The following CDH13 variants were observed in gnomAD, a reference collection of about 807,000 sequenced individuals.
CDH13 encodes cadherin-13.
In CDH13, 24 loss-of-function variants were observed where a neutral mutation model predicts 63.8. The ratio of observed to expected loss-of-function variants is 0.38; its 90% CI spans 0.27 to 0.53. CDH13 has a LOEUF of 0.53. Among genes scored for constraint, CDH13 ranks in the 20% least tolerant of loss-of-function variants. The pLI, the probability that CDH13 is intolerant of heterozygous loss-of-function variation, is 0.85. For synonymous variants in CDH13, 503 were observed against 355.3 expected (o/e 1.42, Z -4.67); for missense variants, 1,049 against 903.1 (o/e 1.16, Z -2.07).
chr16:82,815,277 A>G (rs976945902), intron 1 of CDH13, among the ~76,000 whole-genome samples: 1 of 152,130 alleles, frequency 6.6e-6, no homozygotes, highest in Non-Finnish European at 1.5e-5. Flanking sequence ...CATCCACATC[A>G]CAGCTCCACC....
intron 1 of CDH13, among the ~76,000 whole-genome samples, chr16:82,788,771 A>G (rs2036147917): frequency 6.6e-6 from 1 of 152,200 alleles, no homozygotes; most frequent in Admixed American, 6.5e-5. Flanking sequence ...AAAGAGCCGG[A>G]CAGATCCTGG....
chr16:82,783,005 C>G (rs1400595061), intron 1 of CDH13, among the ~76,000 whole-genome samples: 1 of 152,194 alleles, frequency 6.6e-6, no homozygotes. Context: ...CATTGCCAAA[C>G]AATGCCTGGG....
chr16:82,718,715 A>G (rs2032558913), intron 1 of CDH13, among the ~76,000 whole-genome samples: 1 of 151,838 alleles, frequency 6.6e-6, no homozygotes, highest in South Asian at 2.1e-4. Context: ...GTGCAGGGAA[A>G]CTCCCCTTTA....
chr16:82,851,439 AAAAAAT>A (rs148507469), intron 1 of CDH13, among the ~76,000 whole-genome samples: 14,507 of 110,922 alleles, frequency 0.13, 2,396 homozygotes, highest in East Asian at 0.77. Context: ...CGTCTCAAAA[AAAAAAT>A]AAAAAGAAAA....
At position 83,780,330 on chromosome 16, in the gene CDH13, A is replaced by G. The variant is rs1297265317; in HGVS notation, c.1915+129A>G. 13 of 628,002 alleles carry G rather than the reference A, an allele frequency of 2.1e-5. No homozygotes were observed. The South Asian group carries it at 2.6e-4, about 12-fold the overall frequency. 38.9% of individuals were successfully genotyped at this position (628,002 alleles called of 1,614,324 possible). A position where few individuals can be genotyped will look rare whatever the true frequency, so the allele number is the denominator to read the frequency against. ...GTTCATTTTAAGTTATTGGCATATT[A>G]TAAATACTGAGAATTTTCCCACCAA... On this transcript the variant is annotated intron_variant, in intron 12 of 13. Transcript: ENST00000567109.
At chr16:83,685,895 C>T (rs753351761) in intron 10 of CDH13, among the ~76,000 whole-genome samples, 5 of 152,178 alleles carry the variant, frequency 3.3e-5, no homozygotes, top group African/African-American at 7.2e-5. Flanking sequence ...ATTTTCACAA[C>T]GCCCTGCAGA....
At chr16:83,669,277 A>G (rs1007505290) in intron 8 of CDH13, among the ~76,000 whole-genome samples, 2 of 152,106 alleles carry the variant, frequency 1.3e-5, no homozygotes, top group African/African-American at 4.8e-5. Flanking sequence ...ATAGATTTTC[A>G]TGCGCTTTAA....
rs150285557 is a variant in CDH13, at chr16:83,491,869, T to C, written c.960+5214T>C. Among the ~76,000 whole-genome samples, 467 of 152,286 alleles carry C rather than the reference T, an allele frequency of 3.1e-3. 3 individuals carry two copies. Among genetic ancestry groups the C allele is most frequent in the African/African-American group, 9.5e-3 (393 of 41,558 alleles). ...TTCTGAAACTTTATAATGCCCAAAT[T>C]TTTAGGCCAGATGTAAAAATGGAGA... On this transcript the variant is annotated intron_variant, in intron 7 of 13. Coordinates refer to ENST00000567109, the MANE Select transcript of CDH13 (RefSeq NM_001257.5).
At chr16:82,780,398 G>A (rs7189966) in intron 1 of CDH13, among the ~76,000 whole-genome samples, 112,494 of 152,046 alleles carry the variant, frequency 0.74, 43,127 homozygotes, top group East Asian at 1. Context: ...ACCAGAGGAT[G>A]TAAATATTCA....
chr16:83,702,088 T>A (rs1324987356), intron 10 of CDH13, among the ~76,000 whole-genome samples: 1 of 152,202 alleles, frequency 6.6e-6, no homozygotes, highest in African/African-American at 2.4e-5. Context: ...ATTATTGTAA[T>A]CTGTCAAGAA....
At chr16:83,454,150 T>C (rs571217675) in intron 6 of CDH13, among the ~76,000 whole-genome samples, 1 of 152,348 alleles carries the variant, frequency 6.6e-6, no homozygotes, top group East Asian at 1.9e-4. Flanking sequence ...ACTGCAAGTA[T>C]GCAAAACAGG....
chr16:83,440,446 G>C (rs901782324), intron 6 of CDH13, among the ~76,000 whole-genome samples: 1 of 152,076 alleles, frequency 6.6e-6, no homozygotes, highest in Non-Finnish European at 1.5e-5. Context: ...AATCAGTCGT[G>C]GGGAGGAGGG....
intron 1 of CDH13, among the ~76,000 whole-genome samples, chr16:82,800,993 A>G (rs1255215440): frequency 6.6e-6 from 1 of 152,252 alleles, no homozygotes; most frequent in African/African-American, 2.4e-5. Context: ...TTGAAACTCA[A>G]AAGCAGCATT....
At chr16:83,196,581 C>G (rs1463633797) in intron 4 of CDH13, among the ~76,000 whole-genome samples, 1 of 152,072 alleles carries the variant, frequency 6.6e-6, no homozygotes, top group African/African-American at 2.4e-5. Flanking sequence ...ACTCTCTAAA[C>G]TCAACAGCAG....
At chr16:83,719,470 G>C (rs767528077) in intron 10 of CDH13, among the ~76,000 whole-genome samples, 1 of 152,036 alleles carries the variant, frequency 6.6e-6, no homozygotes, top group Non-Finnish European at 1.5e-5. Context: ...CACAGGATCC[G>C]TAGCCTGAAT....
chr16:82,877,462 G>A (rs2040543355), intron 2 of CDH13, among the ~76,000 whole-genome samples: 1 of 152,206 alleles, frequency 6.6e-6, no homozygotes, highest in African/African-American at 2.4e-5. Context: ...ACTACGCCAT[G>A]TTGATTTAGG....
intron 2 of CDH13, among the ~76,000 whole-genome samples, chr16:83,015,824 A>C (rs1346599020): frequency 6.7e-6 from 1 of 150,362 alleles, no homozygotes; most frequent in African/African-American, 2.4e-5. Context: ...TAATCACAGT[A>C]ATGTACTTGA....
chr16:82,750,156 G>A (rs1337408140), intron 1 of CDH13, among the ~76,000 whole-genome samples: 6 of 152,162 alleles, frequency 3.9e-5, no homozygotes, highest in Non-Finnish European at 7.3e-5. Context: ...AACTCCAAAA[G>A]CAGCGATGCT....
chr16:82,930,026 C>T (rs62037203), intron 2 of CDH13, among the ~76,000 whole-genome samples: 41,590 of 144,410 alleles, frequency 0.29, 7,427 homozygotes, highest in Non-Finnish European at 0.4. Context: ...TAATAAAATG[C>T]ATTAGTTTGT....
Sources: allele counts gnomAD v4.1 joint callset (sites outside exome capture counted in the v4.1 genomes callset), GRCh38; gene constraint gnomAD v4.1.1; transcripts MANE v1.5; gene names NCBI Gene and HGNC (gene_info 2026-07-23, HGNC 2026-07-21).